RIMS1: variants seen among roughly 807,000 people sequenced by gnomAD.
The protein encoded by RIMS1 is regulating synaptic membrane exocytosis 1.
A neutral mutation model predicts 214.1 loss-of-function variants in RIMS1; 83 were observed. The observed-to-expected ratio is 0.39, with a 90% CI of 0.32 to 0.47. The LOEUF is 0.47. Ranked by LOEUF, RIMS1 falls within the 20% of genes least tolerant of loss-of-function variation. The probability of loss-of-function intolerance (pLI) is 0.99; values close to 1 mark genes in which losing one functional copy is unlikely to be tolerated. For synonymous variants in RIMS1, 793 were observed against 786.8 expected, an observed-to-expected ratio of 1.01 and a Z score of -0.13; for missense variants, 2,050 against 2,161.8, an observed-to-expected ratio of 0.95 and a Z score of 1.03.
chr6:72,275,198 T>A (rs2085715828), intron 23 of RIMS1, among the ~76,000 whole-genome samples: 2 of 141,662 alleles, frequency 1.4e-5, no homozygotes, highest in East Asian at 2.1e-4. Context: ...TCTTTAAATG[T>A]GTTTTCCTGA....
chr6:71,964,344 T>C (rs975340481), intron 1 of RIMS1, among the ~76,000 whole-genome samples: 2 of 152,044 alleles, frequency 1.3e-5, no homozygotes, highest in Admixed American at 6.6e-5. Context: ...TGGGTAGAGG[T>C]GGCAGGACCT....
rs1563388249 is a variant in RIMS1 at position 72,274,367 on chromosome 6, C to T, written c.3417C>T (p.Ser1139=). 6.2e-7 allele frequency: 1 copy of T among 1,612,258 alleles called. No homozygotes were observed. Among genetic ancestry groups the T allele is most frequent in the Middle Eastern group, 1.7e-4 (1 of 5,946 alleles). Residue 1139 remains serine, a synonymous_variant, in exon 23 of 34, where the codon TCC becomes TCT. Transcript: ENST00000521978. ...CAAACAGGGGTAGATGGTCCCCCTC[C>T]CTAGATAGGAGACGACCTCCTAGTC... The part of the protein sequence containing the change: ...PERERGRWSP[S]LDRRRPPSPR...
intron 28 of RIMS1, among the ~76,000 whole-genome samples, chr6:72,332,537 G>C (rs1465157005): frequency 8.7e-6 from 1 of 115,310 alleles, no homozygotes; most frequent in Non-Finnish European, 1.8e-5. Flanking sequence ...GACTGTTGTG[G>C]GGTGGGGGGA....
intron 2 of RIMS1, among the ~76,000 whole-genome samples, chr6:72,051,289 G>A (rs756164861): frequency 1.3e-5 from 2 of 152,052 alleles, no homozygotes; most frequent in Non-Finnish European, 2.9e-5. Context: ...CACCATCTTT[G>A]CAATAATCTC....
intron 8 of RIMS1, 124 bp from the exon 9 acceptor site, chr6:72,237,699 C>A: frequency 7.3e-6 from 5 of 688,990 alleles, no homozygotes; most frequent in Middle Eastern, 3.7e-4. Context: ...AAGTGCTTCA[C>A]TTCATTAATG....
At chr6:71,966,092 A>C (rs1794366736) in intron 1 of RIMS1, among the ~76,000 whole-genome samples, 1 of 152,188 alleles carries the variant, frequency 6.6e-6, no homozygotes, top group South Asian at 2.1e-4. Flanking sequence ...TATAATTTTA[A>C]AGAAATGGTA....
chr6:71,936,340 A>AAG (rs1784449812), intron 1 of RIMS1, among the ~76,000 whole-genome samples: 1 of 150,160 alleles, frequency 6.7e-6, no homozygotes, highest in African/African-American at 2.4e-5. Context: ...AAAAAAAAAA[A>AAG]AAAAAAAAAA....
At chr6:72,139,118 G>A (rs537482854) in intron 4 of RIMS1, among the ~76,000 whole-genome samples, 1 of 152,222 alleles carries the variant, frequency 6.6e-6, no homozygotes, top group African/African-American at 2.4e-5. Flanking sequence ...GTGTGTCTGT[G>A]TGTGTGTGTA....
intron 4 of RIMS1, among the ~76,000 whole-genome samples, chr6:72,112,862 A>C (rs1467559878): frequency 6.6e-6 from 1 of 152,148 alleles, no homozygotes; most frequent in African/African-American, 2.4e-5. Context: ...TTAACTTTGC[A>C]GTATTCTCAG....
At chr6:72,156,040 C>A in intron 4 of RIMS1, 1 of 345,386 alleles carries the variant, frequency 2.9e-6, no homozygotes, top group Admixed American at 3.4e-5. Flanking sequence ...TTGACATAGC[C>A]ACTATGGAAA....
intron 21 of RIMS1, 76 bp from the exon 22 acceptor site, chr6:72,265,884 C>T (rs1386831087): frequency 2.4e-5 from 24 of 1,009,190 alleles, no homozygotes; most frequent in Non-Finnish European, 3.3e-5. Flanking sequence ...TTATGCTTTA[C>T]TCTCTAACAT....
intron 2 of RIMS1, among the ~76,000 whole-genome samples, chr6:72,013,815 C>T (rs1811739843): frequency 6.6e-6 from 1 of 152,176 alleles, no homozygotes; most frequent in South Asian, 2.1e-4. Flanking sequence ...GCAACCTTCA[C>T]CACTATGTAA....
intron 2 of RIMS1, among the ~76,000 whole-genome samples, chr6:72,012,017 A>G (rs1810819128): frequency 1.3e-5 from 2 of 152,226 alleles, no homozygotes; most frequent in Non-Finnish European, 2.9e-5. Flanking sequence ...GCTGCTATAA[A>G]GACACATGCA....
chr6:72,146,356 C>T (rs537880850), intron 4 of RIMS1, among the ~76,000 whole-genome samples: 20 of 152,246 alleles, frequency 1.3e-4, no homozygotes, highest in South Asian at 6.2e-4. Flanking sequence ...TTATGTTACA[C>T]GAAAATCTTG....
chr6:72,085,843 A>G (rs1170287557), intron 2 of RIMS1, among the ~76,000 whole-genome samples: 3 of 152,170 alleles, frequency 2.0e-5, no homozygotes, highest in African/African-American at 7.2e-5. Flanking sequence ...TTTAGCCATA[A>G]TTAAAATTAG....
chr6:72,188,062 T>C (rs2049423182), intron 6 of RIMS1, among the ~76,000 whole-genome samples: 1 of 152,222 alleles, frequency 6.6e-6, no homozygotes, highest in Non-Finnish European at 1.5e-5. Flanking sequence ...AGCCTTTTCA[T>C]GTTCTTCTGC....
intron 2 of RIMS1, among the ~76,000 whole-genome samples, chr6:72,056,596 ACT>A (rs1452094196): frequency 3.9e-5 from 6 of 152,050 alleles, no homozygotes; most frequent in Non-Finnish European, 8.8e-5. Context: ...TATATGAATG[ACT>A]CTCTTGCCTA....
At chr6:71,997,588 T>C (rs1441852386) in intron 2 of RIMS1, among the ~76,000 whole-genome samples, 2 of 152,220 alleles carry the variant, frequency 1.3e-5, no homozygotes, top group African/African-American at 4.8e-5. Flanking sequence ...GAGGTGTTAT[T>C]GCATAAGAAC....
intron 6 of RIMS1, among the ~76,000 whole-genome samples, chr6:72,193,815 TATC>T (rs1238420503): frequency 6.6e-6 from 1 of 152,162 alleles, no homozygotes. Flanking sequence ...ATATGTTTAT[TATC>T]ATAATTATGA....
Sources: gnomAD v4.1 joint callset for allele counts (sites outside exome capture counted in the v4.1 genomes callset) on GRCh38, gnomAD v4.1.1 for gene constraint, MANE v1.5 for transcripts, NCBI Gene and HGNC (gene_info 2026-07-23, HGNC 2026-07-21) for gene names.